The following CNTNAP2 variants were observed in gnomAD, a reference collection of about 807,000 sequenced individuals.
CNTNAP2 encodes contactin-associated protein-like 2.
CNTNAP2 carries 98 observed loss-of-function variants against 155.2 expected under a neutral mutation model. That is an observed-to-expected ratio of 0.63 (90% CI 0.54 to 0.75). The LOEUF is 0.75. Ranked by LOEUF, CNTNAP2 falls within the 30% of genes least tolerant of loss-of-function variation. CNTNAP2 has a pLI of 0.00. For missense variants in CNTNAP2, 1,727 were observed against 1,688.1 expected, an observed-to-expected ratio of 1.02 and a Z score of -0.40; for synonymous variants, 651 against 631.2, an observed-to-expected ratio of 1.03 and a Z score of -0.47.
At chr7:146,656,189 G>A (rs73739765) in intron 1 of CNTNAP2, among the ~76,000 whole-genome samples, 2,782 of 152,300 alleles carry the variant, frequency 0.018, 100 homozygotes, top group African/African-American at 0.064. Context: ...TCTTTTGGCT[G>A]AAGGCCAAAG....
chr7:146,209,873 A>C (rs556559996), intron 1 of CNTNAP2, among the ~76,000 whole-genome samples: 14 of 152,220 alleles, frequency 9.2e-5, no homozygotes, highest in African/African-American at 3.4e-4. Flanking sequence ...GAAAATACAG[A>C]ATTTGGATGC....
chr7:147,842,272 G>A (rs10952714), intron 13 of CNTNAP2, among the ~76,000 whole-genome samples: 49,444 of 151,486 alleles, frequency 0.33, 6,237 homozygotes, highest in East Asian at 0.36. Flanking sequence ...TCCAAACTTC[G>A]TGAGAGACAC....
At chr7:147,100,951 A>G (rs1163371163) in intron 4 of CNTNAP2, among the ~76,000 whole-genome samples, 2 of 152,232 alleles carry the variant, frequency 1.3e-5, no homozygotes, top group Non-Finnish European at 2.9e-5. Context: ...ACTAGGGGAC[A>G]ATAGACCAAG....
chr7:147,746,376 T>A (rs1221516153), intron 13 of CNTNAP2, among the ~76,000 whole-genome samples: 1 of 152,082 alleles, frequency 6.6e-6, no homozygotes, highest in Non-Finnish European at 1.5e-5. Context: ...GTAGAGACAG[T>A]CCATAAATAT....
chr7:147,296,420 TA>T (rs1345180939), intron 8 of CNTNAP2, among the ~76,000 whole-genome samples: 1 of 152,212 alleles, frequency 6.6e-6, no homozygotes. Flanking sequence ...GACTGACAGT[TA>T]ACTTCAAGAA....
intron 1 of CNTNAP2, among the ~76,000 whole-genome samples, chr7:146,155,629 AT>A (rs1256217795): frequency 4.0e-5 from 6 of 151,632 alleles, no homozygotes; most frequent in African/African-American, 1.5e-4. Context: ...ATAAGTAATA[AT>A]TATATAGTAA....
intron 14 of CNTNAP2, among the ~76,000 whole-genome samples, chr7:147,923,243 C>A (rs576359595): frequency 9.9e-4 from 150 of 152,174 alleles, no homozygotes; most frequent in African/African-American, 3.4e-3. Context: ...CAGATGTACT[C>A]AGGTTAAGAT....
At chr7:147,385,464 G>A (rs1475016355) in intron 9 of CNTNAP2, among the ~76,000 whole-genome samples, 7 of 152,162 alleles carry the variant, frequency 4.6e-5, no homozygotes, top group African/African-American at 7.2e-5. Context: ...CACAATGGGC[G>A]TACAGGCATT....
intron 10 of CNTNAP2, among the ~76,000 whole-genome samples, chr7:147,398,190 G>T (rs1796851528): frequency 6.6e-6 from 1 of 151,978 alleles, no homozygotes; most frequent in African/African-American, 2.4e-5. Context: ...GTTTTAGTCT[G>T]TCCTCATAGA....
At chr7:148,230,958 T>G (rs372428986) in intron 20 of CNTNAP2, among the ~76,000 whole-genome samples, 26 of 152,266 alleles carry the variant, frequency 1.7e-4, no homozygotes, top group African/African-American at 6.3e-4. Flanking sequence ...AGACAGATCG[T>G]TTTACATCAT....
chr7:147,380,395 C>G (rs1316134504), intron 9 of CNTNAP2, among the ~76,000 whole-genome samples: 3 of 151,852 alleles, frequency 2.0e-5, no homozygotes, highest in Non-Finnish European at 4.4e-5. Context: ...ACATGTAAAA[C>G]CATCTTATTT....
chr7:146,923,555 T>C (rs759364906), intron 3 of CNTNAP2, among the ~76,000 whole-genome samples: 6 of 152,132 alleles, frequency 3.9e-5, no homozygotes, highest in African/African-American at 1.4e-4. Flanking sequence ...TAATGAAAAC[T>C]GAGTTTGAGG....
chr7:146,197,398 A>G (rs1798792720), intron 1 of CNTNAP2, among the ~76,000 whole-genome samples: 5 of 152,188 alleles, frequency 3.3e-5, no homozygotes, highest in Admixed American at 2.0e-4. Context: ...CTGACCTTAG[A>G]AATCAGGTAT....
At chr7:147,543,982 T>C (rs1325396951) in intron 11 of CNTNAP2, among the ~76,000 whole-genome samples, 1 of 152,218 alleles carries the variant, frequency 6.6e-6, no homozygotes, top group African/African-American at 2.4e-5. Context: ...AGCTACCTGT[T>C]TTAAACAAAA....
At chr7:148,201,551 A>C (rs932772127) in intron 18 of CNTNAP2, among the ~76,000 whole-genome samples, 1 of 152,204 alleles carries the variant, frequency 6.6e-6, no homozygotes, top group Non-Finnish European at 1.5e-5. Context: ...GTTTGTCTTC[A>C]AAAGTTTCCC....
At chr7:147,902,190 A>G (rs1041174830) in intron 13 of CNTNAP2, among the ~76,000 whole-genome samples, 1 of 152,286 alleles carries the variant, frequency 6.6e-6, no homozygotes, top group East Asian at 1.9e-4. Context: ...TGAATGTAAA[A>G]TTGTCTTCCA....
At chr7:146,769,160 G>T (rs1198991582) in intron 1 of CNTNAP2, among the ~76,000 whole-genome samples, 2 of 152,210 alleles carry the variant, frequency 1.3e-5, no homozygotes, top group Non-Finnish European at 2.9e-5. Context: ...AGATTCCCTG[G>T]AAGGGAAGTA....
At chr7:147,352,520 T>G (rs1376450428) in intron 9 of CNTNAP2, among the ~76,000 whole-genome samples, 8 of 152,020 alleles carry the variant, frequency 5.3e-5, no homozygotes, top group Admixed American at 3.3e-4. Context: ...AAAACATTTT[T>G]GAACTAGCTC....
At chr7:147,872,450 T>G (rs537915769) in intron 13 of CNTNAP2, among the ~76,000 whole-genome samples, 2 of 152,338 alleles carry the variant, frequency 1.3e-5, no homozygotes, top group East Asian at 1.9e-4. Context: ...GAATTACCTT[T>G]GCCTAGCATT....
Sources: allele counts gnomAD v4.1 joint callset (sites outside exome capture counted in the v4.1 genomes callset), GRCh38; gene constraint gnomAD v4.1.1; transcripts MANE v1.5; gene names NCBI Gene and HGNC (gene_info 2026-07-23, HGNC 2026-07-21).